PLAA: variants seen among roughly 807,000 people sequenced by gnomAD.
PLAA encodes phospholipase A-2-activating protein.
A neutral mutation model predicts 84.1 loss-of-function variants in PLAA; 48 were observed. The observed-to-expected ratio is 0.57, with a 90% confidence interval of 0.45 to 0.73. PLAA has a LOEUF of 0.73. Among genes scored for constraint, PLAA ranks in the 30% least tolerant of loss-of-function variants. PLAA has a pLI of 0.00. For missense variants in PLAA, 903 were observed against 954.7 expected, an observed-to-expected ratio of 0.95 and a Z score of 0.71; for synonymous variants, 392 against 336.6, an observed-to-expected ratio of 1.16 and a Z score of -1.80.
chr9:26,918,309 T>TTTTA (rs35582293), intron 9 of PLAA, among the ~76,000 whole-genome samples: 41 of 149,768 alleles, frequency 2.7e-4, no homozygotes, highest in African/African-American at 9.5e-4. Flanking sequence ...TTTTTTTTTT[T>TTTTA]AGTAGAGACA....
intron 1 of PLAA, among the ~76,000 whole-genome samples, chr9:26,940,021 T>C (rs954082769): frequency 6.6e-6 from 1 of 152,022 alleles, no homozygotes; most frequent in Non-Finnish European, 1.5e-5. Flanking sequence ...CTTAACAAAA[T>C]AAATCAACTA....
intron 1 of PLAA, among the ~76,000 whole-genome samples, chr9:26,939,823 A>T (rs1305023619): frequency 6.6e-6 from 1 of 152,194 alleles, no homozygotes; most frequent in African/African-American, 2.4e-5. Context: ...ATTATATATT[A>T]ATAAAAAGTT....
intron 1 of PLAA, among the ~76,000 whole-genome samples, chr9:26,943,012 G>C (rs1825588873): frequency 6.6e-6 from 1 of 151,070 alleles, no homozygotes; most frequent in South Asian, 2.1e-4. Flanking sequence ...TATTAATATA[G>C]ATTAATATAA....
chr9:26,908,170 T>C (rs1032739681), intron 12 of PLAA, among the ~76,000 whole-genome samples, 172 bp from the exon 13 acceptor site: 1 of 147,300 alleles, frequency 6.8e-6, no homozygotes, highest in Non-Finnish European at 1.5e-5. Context: ...GCTTTGTCTT[T>C]TTTTTTTTTT....
At chr9:26,932,916 C>T (rs1825232701) in intron 2 of PLAA, among the ~76,000 whole-genome samples, 1 of 152,078 alleles carries the variant, frequency 6.6e-6, no homozygotes, top group African/African-American at 2.4e-5. Context: ...GGGTGGATCA[C>T]CTGAGGTCAA....
chr9:26,947,120 G>A lies in PLAA; in HGVS notation c.-75C>T. ...CCGCAGGGGCGACTCGGAGAGCGCC[G>A]GGCCGCGGCGGGAGAAGAGCCTGCA... On this transcript the variant is annotated 5_prime_UTR_variant, in exon 1 of 14. Transcript: ENST00000397292. 2 of 1,392,490 alleles carry A rather than the reference G, an allele frequency of 1.4e-6. No individual in the cohort carries two copies. The highest frequency in any genetic ancestry group is 1.9e-6 in the Non-Finnish European group (2 of 1,069,782). The allele number at this position is 1,392,490 out of a possible 1,614,324, so 86.3% of individuals were successfully genotyped here.
At position 26,903,641 on chromosome 9, in the gene PLAA, TTAAC is replaced by T. The variant is rs1476908249; in HGVS notation, c.*1866_*1869del. On this transcript the variant is annotated 3_prime_UTR_variant, in exon 14 of 14. Coordinates refer to ENST00000397292, the MANE Select transcript of PLAA (RefSeq NM_001031689.3). ...AACATTAAGAGAATCATAGGAAAGT[TTAAC>T]TAAAAAAGAAAATCTTTAAAATATC... Among the ~76,000 whole-genome samples the T allele has an allele frequency of 6.6e-6, 1 of 152,162 alleles. No homozygotes were observed. Among genetic ancestry groups the T allele is most frequent in the African/African-American group, 2.4e-5 (1 of 41,448 alleles).
chr9:26,928,463 T>C (rs376761610), intron 2 of PLAA, 55 bp from the exon 3 acceptor site: 59 of 1,218,366 alleles, frequency 4.8e-5, no homozygotes, highest in African/African-American at 3.1e-4. Flanking sequence ...ATGCTCAACA[T>C]TGAAAGTTAC....
rs549377204 is a variant in PLAA at position 26,941,459 on chromosome 9, G to T, written c.149+5438C>A. Among the ~76,000 whole-genome samples, 361 of 152,162 alleles carry T rather than the reference G, an allele frequency of 2.4e-3. 1 individual carries two copies. The highest frequency in any genetic ancestry group is 0.011 in the South Asian group (55 of 4,814). ...AACTCAACAGTAAAACTCACAACCAGCAAGCCCCATCCAGGAGCACAGATC... is the reference window on the plus strand; with the variant it reads ...AACTCAACAGTAAAACTCACAACCATCAAGCCCCATCCAGGAGCACAGATC... On this transcript the variant is annotated intron_variant, in intron 1 of 13. Coordinates refer to ENST00000397292, the MANE Select transcript of PLAA (RefSeq NM_001031689.3).
chr9:26,932,825 A>G (rs1447164398), intron 2 of PLAA, among the ~76,000 whole-genome samples: 1 of 152,192 alleles, frequency 6.6e-6, no homozygotes. Flanking sequence ...ACAGGCACAC[A>G]AACATTTAAA....
intron 4 of PLAA, 120 bp downstream of exon 4, chr9:26,927,980 A>C: frequency 8.9e-7 from 1 of 1,123,166 alleles, no homozygotes; most frequent in Non-Finnish European, 1.3e-6. Flanking sequence ...ATTAACTCAA[A>C]TTAATAGCTT....
chr9:26,923,931 G>A (rs546953603), intron 6 of PLAA, among the ~76,000 whole-genome samples: 32 of 152,214 alleles, frequency 2.1e-4, no homozygotes, highest in Middle Eastern at 3.4e-3. Context: ...ACTTCCAACT[G>A]TATTAATCCT....
At chr9:26,925,339 C>A (rs929781666) in intron 6 of PLAA, among the ~76,000 whole-genome samples, 12 of 152,250 alleles carry the variant, frequency 7.9e-5, no homozygotes, top group Non-Finnish European at 1.2e-4. Context: ...AGGTTCTCCA[C>A]AGTTAAGCCC....
At chr9:26,940,214 A>T (rs2131423604) in intron 1 of PLAA, among the ~76,000 whole-genome samples, 1 of 152,402 alleles carries the variant, frequency 6.6e-6, no homozygotes, top group South Asian at 2.1e-4. Flanking sequence ...AACCATATTC[A>T]TAGTAGCATT....
At chr9:26,943,619 C>CCA (rs773143943) in intron 1 of PLAA, among the ~76,000 whole-genome samples, 19 of 152,228 alleles carry the variant, frequency 1.2e-4, no homozygotes, top group Non-Finnish European at 2.5e-4. Flanking sequence ...CGACTTCACT[C>CCA]CAAACATTTA....
intron 2 of PLAA, among the ~76,000 whole-genome samples, chr9:26,930,336 C>T (rs957353828): frequency 6.6e-6 from 1 of 152,058 alleles, no homozygotes; most frequent in Non-Finnish European, 1.5e-5. Context: ...GATCTCCTGA[C>T]CTTATGATCC....
chr9:26,944,358 T>C (rs955303841), intron 1 of PLAA, among the ~76,000 whole-genome samples: 2 of 152,174 alleles, frequency 1.3e-5, no homozygotes, highest in Non-Finnish European at 2.9e-5. Context: ...AGAGAAGACA[T>C]GTATCATGAA....
chr9:26,920,944 C>A (rs1282924814), intron 7 of PLAA, among the ~76,000 whole-genome samples: 2 of 152,072 alleles, frequency 1.3e-5, no homozygotes, highest in South Asian at 4.1e-4. Flanking sequence ...GTATATTCCA[C>A]CCAGCAACTT....
In PLAA at chr9:26,925,887, A is replaced by G. The variant is rs1197631403; in HGVS notation, c.807T>C (p.Leu269=). The G allele has an allele frequency of 2.5e-6, 4 of 1,613,862 alleles. No individual in the cohort carries two copies. The highest frequency in any genetic ancestry group is 3.4e-6 in the Non-Finnish European group (4 of 1,179,756). Residue 269 remains leucine, a synonymous_variant, in exon 6 of 14, where the codon CTT becomes CTC. Coordinates refer to ENST00000397292, the MANE Select transcript of PLAA (RefSeq NM_001031689.3). ...KHGECAQTIR[L]PAQSIWCCCV... Reference sequence around the variant, plus strand: ...AGCAGCACCATATAGACTGAGCTGGAAGTCGGATAGTTTGAGCACATTCCC... The same window carrying G: ...AGCAGCACCATATAGACTGAGCTGGGAGTCGGATAGTTTGAGCACATTCCC...
Sources: gnomAD v4.1 joint callset for allele counts (sites outside exome capture counted in the v4.1 genomes callset) on GRCh38, gnomAD v4.1.1 for gene constraint, MANE v1.5 for transcripts, NCBI Gene and HGNC (gene_info 2026-07-23, HGNC 2026-07-21) for gene names.